Variants in KIF26A observed in about 807,000 individuals in gnomAD.
KIF26A encodes kinesin-like protein KIF26A.
A neutral mutation model predicts 126.0 loss-of-function variants in KIF26A; 74 were observed. That is an observed-to-expected ratio of 0.59 (90% CI 0.49 to 0.71). KIF26A has a LOEUF of 0.71. Ranked by LOEUF, KIF26A falls within the 30% of genes least tolerant of loss-of-function variation. The pLI, the probability that KIF26A is intolerant of heterozygous loss-of-function variation, is 0.00. For missense variants in KIF26A, 2,984 were observed against 2,763.3 expected, an observed-to-expected ratio of 1.08 and a Z score of -1.79; for synonymous variants, 1,445 against 1,232.7, an observed-to-expected ratio of 1.17 and a Z score of -3.61.
chr14:104,174,356 C>A (rs1422307843), intron 11 of KIF26A, 46 bp downstream of exon 11: 4 of 1,470,670 alleles, frequency 2.7e-6, no homozygotes, highest in Non-Finnish European at 3.6e-6. Flanking sequence ...CGTCTCGGCT[C>A]CTGTGTCCAC....
intron 2 of KIF26A, among the ~76,000 whole-genome samples, chr14:104,140,029 G>A (rs564604546): frequency 6.6e-6 from 1 of 152,260 alleles, no homozygotes; most frequent in South Asian, 2.1e-4. Flanking sequence ...GGGGGCGGGT[G>A]GGGGTCTCCA....
chr14:104,178,642 C>T lies in KIF26A; in HGVS notation c.5203C>T (p.Pro1735Ser), dbSNP rs776528793. 3 of 1,551,616 alleles carry T rather than the reference C, an allele frequency of 1.9e-6. No homozygotes were observed. The highest frequency in any genetic ancestry group is 2.4e-5 in the East Asian group (1 of 41,052). The part of the protein sequence containing the change: ...PSLPGQWVDL[P>S]PPLAGSLKEP... The stretch of plus-strand genomic sequence containing the variant: ...CCTCCCCGGGCAGTGGGTGGACCTG[C>T]CCCCGCCCCTGGCTGGCTCCCTGAA... The change falls in exon 13 of 15, where the codon CCC (proline) becomes TCC (serine). Residue 1735 changes from proline (P) to serine (S), a missense_variant. Transcript: ENST00000423312.
At chr14:104,172,834 C>G in intron 7 of KIF26A, 143 bp from the exon 8 acceptor site, 7 of 1,241,704 alleles carry the variant, frequency 5.6e-6, no homozygotes, top group Non-Finnish European at 6.5e-6. Context: ...GAACCCCTGC[C>G]GAACTGAAAG....
intron 4 of KIF26A, among the ~76,000 whole-genome samples, chr14:104,165,346 TCA>T (rs1491302577): frequency 7.2e-5 from 10 of 138,326 alleles, no homozygotes; most frequent in South Asian, 4.7e-4. Flanking sequence ...TGTGTCTGTA[TCA>T]TGTGTGCGTC....
intron 3 of KIF26A, 55 bp from the exon 4 acceptor site, chr14:104,157,700 G>C: frequency 6.4e-7 from 1 of 1,552,452 alleles, no homozygotes; most frequent in South Asian, 1.2e-5. Flanking sequence ...GGTGCCAGGG[G>C]GCAGTGGTGT....
intron 8 of KIF26A, 30 bp from the exon 9 acceptor site, chr14:104,173,300 A>C (rs545300003): frequency 6.2e-7 from 1 of 1,601,574 alleles, no homozygotes; most frequent in Non-Finnish European, 8.5e-7. Context: ...TGAGCCACTG[A>C]AGACGCCGCT....
At chr14:104,167,400 G>C (rs1437678798) in intron 5 of KIF26A, among the ~76,000 whole-genome samples, 4 of 152,158 alleles carry the variant, frequency 2.6e-5, no homozygotes, top group African/African-American at 7.2e-5. Flanking sequence ...GCAGCCCTGA[G>C]GGGGCTGGGG....
chr14:104,138,700 C>T lies in KIF26A; in HGVS notation c.-23C>T. 2.4e-6 allele frequency: 3 copies of T among 1,268,534 alleles called. No individual in the cohort carries two copies. The highest frequency in any genetic ancestry group is 1.6e-5 in the African/African-American group (1 of 63,946). 78.6% of individuals were successfully genotyped at this position (1,268,534 alleles called of 1,614,324 possible). A position where few individuals can be genotyped will look rare whatever the true frequency, so the allele number is the denominator to read the frequency against. Reference sequence around the variant, plus strand: ...AGCCAGCGTGGCCGGGAGCGCCTGCCGGGCTCTTCCCGCGCCCCGGCCATG... The same window carrying T: ...AGCCAGCGTGGCCGGGAGCGCCTGCTGGGCTCTTCCCGCGCCCCGGCCATG... On this transcript the variant is annotated 5_prime_UTR_variant, in exon 1 of 15. Transcript: ENST00000423312.
In KIF26A at chr14:104,175,072, G is replaced by A. The variant is rs759731494; in HGVS notation, c.2284G>A (p.Val762Met). The part of the protein sequence containing the change: ...PHLRPFHPRT[V>M]ALDPDRTPPC... Reference sequence around the variant, plus strand: ...CCTGCGGCCCTTCCACCCACGCACTGTGGCCCTGGACCCCGACCGCACGCC... The same window carrying A: ...CCTGCGGCCCTTCCACCCACGCACTATGGCCCTGGACCCCGACCGCACGCC... Residue 762 changes from valine (V) to methionine (M), a missense_variant, in exon 12 of 15, where the codon GTG becomes ATG. Coordinates refer to ENST00000423312, the MANE Select transcript of KIF26A (RefSeq NM_015656.2). 38 of 1,591,680 alleles carry A rather than the reference G, an allele frequency of 2.4e-5. No individual in the cohort carries two copies. In the East Asian group the frequency reaches 8.2e-4, roughly 35 times the overall value.
At chr14:104,165,717 GTGTC>G (rs906300728) in intron 4 of KIF26A, among the ~76,000 whole-genome samples, 3 of 151,692 alleles carry the variant, frequency 2.0e-5, no homozygotes, top group African/African-American at 4.8e-5. Flanking sequence ...GTGCATATGT[GTGTC>G]TGTGTGTTTC....
rs376569326 is a variant in KIF26A at position 104,179,263 on chromosome 14, C to T, written c.5344C>T (p.Arg1782Trp). The change falls in exon 14 of 15, where the codon CGG becomes TGG. Residue 1782 changes from arginine (R) to tryptophan (W), a missense_variant. Arg to Trp is a moderately radical substitution (Grantham distance 101). Transcript: ENST00000423312. The part of the protein sequence containing the change: ...QGLACVSTRL[R>W]LAERRQQRLR... ...TCTGGCGTGCGTCAGTACAAGGCTG[C>T]GGCTGGCGGAGCGCAGGCAGCAGCG... 5.0e-5 allele frequency: 76 copies of T among 1,521,952 alleles called. No individual in the cohort carries two copies. Among genetic ancestry groups the T allele is most frequent in the Non-Finnish European group, 6.1e-5 (70 of 1,139,306 alleles). 94.3% of individuals were successfully genotyped at this position (1,521,952 alleles called of 1,614,324 possible).
intron 4 of KIF26A, among the ~76,000 whole-genome samples, chr14:104,165,537 G>GTC (rs141671546): frequency 0.43 from 60,087 of 140,646 alleles, 14,168 homozygotes; most frequent in African/African-American, 0.57. Flanking sequence ...GTATCTTTGT[G>GTC]TCTATGCGTG....
In KIF26A at chr14:104,152,065, C is replaced by T; in HGVS notation, c.339C>T (p.Ala113=). Residue 113 remains alanine, a synonymous_variant, in exon 3 of 15, where the codon GCC becomes GCT. Transcript: ENST00000423312. This position sits in a 1 kb window ranked among gnomAD's most constrained non-coding sequence, Gnocchi z 5.9. ...LLLDKLPAPG[A]LPACRPEAER... ...TCGACAAGCTACCAGCACCTGGGGC[C>T]CTGCCAGCCTGTCGCCCAGAGGCCG... 6.2e-7 allele frequency: 1 copy of T among 1,612,688 alleles called. No homozygotes were observed. The highest frequency in any genetic ancestry group is 8.5e-7 in the Non-Finnish European group (1 of 1,179,796).
chr14:104,179,666 G>T lies in KIF26A; in HGVS notation c.5525G>T (p.Arg1842Leu). The change falls in exon 15 of 15, where the codon CGA becomes CTA. Residue 1842 changes from arginine to leucine, a missense_variant. Arg to Leu is a moderately radical substitution (Grantham distance 102). Transcript: ENST00000423312. ...GCCGAGTACCTGGCGGCCCTGGAGCGAGCCACGGCGGCCCTGGAGCAGTGC... is the reference window on the plus strand; with the variant it reads ...GCCGAGTACCTGGCGGCCCTGGAGCTAGCCACGGCGGCCCTGGAGCAGTGC... ...ESAEYLAALE[R>L]ATAALEQCVN... 1 of 1,547,996 alleles carries T rather than the reference G, an allele frequency of 6.5e-7. No individual in the cohort carries two copies. The highest frequency in any genetic ancestry group is 8.7e-7 in the Non-Finnish European group (1 of 1,145,848).
At chr14:104,145,451 G>A (rs1405685356) in intron 2 of KIF26A, among the ~76,000 whole-genome samples, 4 of 152,088 alleles carry the variant, frequency 2.6e-5, no homozygotes, top group Non-Finnish European at 4.4e-5. Context: ...GGCCCAGCCC[G>A]GTGCCCGGGG....
intron 3 of KIF26A, among the ~76,000 whole-genome samples, chr14:104,157,511 C>A (rs937331477): frequency 6.6e-6 from 1 of 152,134 alleles, no homozygotes; most frequent in Non-Finnish European, 1.5e-5. Context: ...TGGGGCAGAC[C>A]GCCCACACAC....
Position 104,177,294 on chromosome 14 carries a change from C to T in KIF26A, c.4506C>T (p.Gly1502=), listed in dbSNP as rs748944720. The T allele has an allele frequency of 1.0e-5, 16 of 1,578,512 alleles. No homozygotes were observed. In the African/African-American group the frequency reaches 1.9e-4, roughly 19 times the overall value. ...CTGTTGGTGGAGGCAAGGGCCGTGGCCTAGTGGCTGGTGGGTCGCGGGCTC... is the reference window on the plus strand; with the variant it reads ...CTGTTGGTGGAGGCAAGGGCCGTGGTCTAGTGGCTGGTGGGTCGCGGGCTC... The part of the protein sequence containing the change: ...KPPVGGGKGR[G]LVAGGSRALG... The change falls in exon 12 of 15, where the codon GGC becomes GGT. Residue 1502 remains glycine (G), a synonymous_variant. Coordinates refer to ENST00000423312, the MANE Select transcript of KIF26A (RefSeq NM_015656.2).
intron 12 of KIF26A, 34 bp from the exon 13 acceptor site, chr14:104,178,516 C>A: frequency 1.4e-6 from 2 of 1,412,528 alleles, no homozygotes; most frequent in Non-Finnish European, 9.3e-7. Flanking sequence ...TGGGCCCCGC[C>A]TCTGTTCACC....
At chr14:104,145,334 AGGCCCTCCGCAG>A (rs1016192533) in intron 2 of KIF26A, among the ~76,000 whole-genome samples, 4 of 152,070 alleles carry the variant, frequency 2.6e-5, no homozygotes, top group African/African-American at 9.7e-5. Context: ...GGGTGGCCCG[AGGCCCTCCGCAG>A]GGCTGCACTG....
Sources: gnomAD v4.1 joint callset for allele counts (sites outside exome capture counted in the v4.1 genomes callset) on GRCh38, gnomAD v4.1.1 for gene constraint, Gnocchi (gnomAD v3.1) non-coding constraint, MANE v1.5 for transcripts, NCBI Gene and HGNC (gene_info 2026-07-23, HGNC 2026-07-21) for gene names.